Variants in MRPL37 observed in about 807,000 individuals in gnomAD.
MRPL37 encodes the protein large ribosomal subunit protein mL37.
Under a neutral mutation model 44.1 loss-of-function variants are expected in MRPL37, and 34 were observed. That is an observed-to-expected ratio of 0.77 (90% CI 0.59 to 1.03). The LOEUF is 1.03. Among genes scored for constraint, MRPL37 ranks in the 50% least tolerant of loss-of-function variants. The pLI is 0.00. For missense variants in MRPL37, 532 were observed against 543.7 expected (o/e 0.98, Z 0.21); for synonymous variants, 212 against 219.5 (o/e 0.97, Z 0.30).
At chr1:54,225,470 C>A, downstream of MRPL37, 1 of 1,186,898 alleles carries the variant, frequency 8.4e-7, no homozygotes, top group Non-Finnish European at 1.1e-6. Context: ...ACGTTATCAA[C>A]ATATATCGTA....
At chr1:54,200,887 A>G (rs868014985) in intron 1 of MRPL37, among the ~76,000 whole-genome samples, 3 of 152,190 alleles carry the variant, frequency 2.0e-5, no homozygotes, top group African/African-American at 4.8e-5. Flanking sequence ...CTGGGCCTCT[A>G]TTTCCTGGGA....
chr1:54,205,637 C>G (rs1644116451), intron 3 of MRPL37, among the ~76,000 whole-genome samples: 1 of 152,170 alleles, frequency 6.6e-6, no homozygotes, highest in Non-Finnish European at 1.5e-5. Context: ...TAACAGTCAG[C>G]CATATCTATT....
chr1:54,223,155 T>C (rs1275159184), downstream of MRPL37, among the ~76,000 whole-genome samples: 1 of 152,212 alleles, frequency 6.6e-6, no homozygotes, highest in African/African-American at 2.4e-5. Flanking sequence ...GGTCTGATCT[T>C]TTACATCCAA....
intron 4 of MRPL37, 95 bp downstream of exon 4, chr1:54,210,226 AG>A: frequency 5.7e-6 from 7 of 1,234,380 alleles, no homozygotes; most frequent in Non-Finnish European, 8.0e-6. Context: ...GCTAGGTGCT[AG>A]GCACCTCGTG....
Position 54,200,353 on chromosome 1 carries a change from C to T in MRPL37, c.110C>T (p.Ser37Phe), listed in dbSNP as rs768836635. The change falls in exon 1 of 7, where the codon TCC becomes TTC. Residue 37 changes from serine to phenylalanine, a missense_variant. Physicochemically the swap from Ser to Phe is radical, Grantham distance 155 (BLOSUM62 -2). Coordinates refer to ENST00000360840, the MANE Select transcript of MRPL37 (RefSeq NM_016491.4). Reference sequence around the variant, plus strand: ...GGGGCGTATGAGTGGGGCGTGCGCTCCACGCGGAAGTCGGAGCCTCCTCCC... The same window carrying T: ...GGGGCGTATGAGTGGGGCGTGCGCTTCACGCGGAAGTCGGAGCCTCCTCCC... ...RRGAYEWGVR[S>F]TRKSEPPPLD... The T allele has an allele frequency of 1.3e-5, 21 of 1,614,026 alleles. No homozygotes were observed. The highest frequency in any genetic ancestry group is 1.8e-5 in the Non-Finnish European group (21 of 1,180,026).
intron 1 of MRPL37, among the ~76,000 whole-genome samples, chr1:54,201,968 G>A (rs1309578151): frequency 6.6e-6 from 1 of 151,896 alleles, no homozygotes; most frequent in Non-Finnish European, 1.5e-5. Context: ...TCCCAGTCCA[G>A]GGCTCTTTCT....
chr1:54,219,386 C>A (rs1364554865), downstream of MRPL37, among the ~76,000 whole-genome samples: 1 of 152,226 alleles, frequency 6.6e-6, no homozygotes, highest in Non-Finnish European at 1.5e-5. Context: ...CAGGCTTGGG[C>A]TCTTTCCACT....
chr1:54,214,813 A>G (rs1644186928), intron 5 of MRPL37, among the ~76,000 whole-genome samples: 1 of 152,236 alleles, frequency 6.6e-6, no homozygotes, highest in African/African-American at 2.4e-5. Context: ...TTTATGTACT[A>G]CCTGCAGTTT....
At position 54,209,956 on chromosome 1, in the gene MRPL37, C is replaced by T; in HGVS notation, c.657C>T (p.Leu219=). The T allele has an allele frequency of 6.2e-7, 1 of 1,613,992 alleles. No homozygotes were observed. The highest frequency in any genetic ancestry group is 2.2e-5 in the East Asian group (1 of 44,880). The change falls in exon 4 of 7, where the codon CTC becomes CTT. Residue 219 remains leucine, a synonymous_variant. Transcript: ENST00000360840. ...TTTTCTCCCTTTTAGAGTCTCTTCT[C>T]CTTCAAGTCCGTGGTTCTGGTGGAG... ...FSATWNRESL[L]LQVRGSGGAR...
chr1:54,219,188 G>A (rs541242822), downstream of MRPL37, among the ~76,000 whole-genome samples: 1 of 152,346 alleles, frequency 6.6e-6, no homozygotes, highest in Admixed American at 6.5e-5. Flanking sequence ...AACACCCCTG[G>A]CCTGGCACCA....
In MRPL37 at chr1:54,212,595, G is replaced by T; in HGVS notation, c.927G>T (p.Leu309=). ...LRPHRLQPDQ[L]RAKMILFAFG... The stretch of plus-strand genomic sequence containing the variant: ...CACACCGCCTTCAACCAGATCAGCT[G>T]CGGGCCAAGATGATCCTGTTTGCTT... The change falls in exon 5 of 7, where the codon CTG becomes CTT. Residue 309 remains leucine (L), a synonymous_variant. Coordinates refer to ENST00000360840, the MANE Select transcript of MRPL37 (RefSeq NM_016491.4). 1 of 1,614,226 alleles carries T rather than the reference G, an allele frequency of 6.2e-7. No individual in the cohort carries two copies. Among genetic ancestry groups the T allele is most frequent in the African/African-American group, 1.3e-5 (1 of 75,046 alleles).
Position 54,210,025 on chromosome 1 carries a change from A to C in MRPL37, c.726A>C (p.Arg242Ser). ...TKDPLPTIASREEIEATKNHV... is the reference protein window; with the variant it reads ...TKDPLPTIASSEEIEATKNHV... ...ATCCTCTGCCCACCATCGCCTCCAG[A>C]GAGGAGATTGAAGCTACTAAGAATC... Residue 242 changes from arginine to serine, a missense_variant, in exon 4 of 7, where the codon AGA (arginine) becomes AGC (serine). Arg to Ser is a moderately radical substitution (Grantham distance 110). Transcript: ENST00000360840. 1 of 1,614,198 alleles carries C rather than the reference A, an allele frequency of 6.2e-7. No homozygotes were observed. Among genetic ancestry groups the C allele is most frequent in the Non-Finnish European group, 8.5e-7 (1 of 1,180,020 alleles).
chr1:54,211,373 C>T (rs921222694), intron 4 of MRPL37, among the ~76,000 whole-genome samples: 5 of 152,276 alleles, frequency 3.3e-5, no homozygotes, highest in Middle Eastern at 3.4e-3. Flanking sequence ...CAGCTTGGCA[C>T]AGAGTGAGTT....
At chr1:54,216,674 A>G (rs961242253) in intron 6 of MRPL37, among the ~76,000 whole-genome samples, 2 of 151,642 alleles carry the variant, frequency 1.3e-5, no homozygotes, top group African/African-American at 4.9e-5. Flanking sequence ...CCTCCCCATT[A>G]CTGTTTGTCA....
intron 3 of MRPL37, among the ~76,000 whole-genome samples, chr1:54,208,082 A>G (rs773123967): frequency 6.9e-4 from 105 of 152,208 alleles, no homozygotes; most frequent in Non-Finnish European, 1.0e-3. Flanking sequence ...CATGTTCACA[A>G]TGGCTGGCTT....
At chr1:54,200,671 A>G (rs1317544631) in intron 1 of MRPL37, 82 bp downstream of exon 1, 3 of 1,419,332 alleles carry the variant, frequency 2.1e-6, no homozygotes, top group African/African-American at 2.9e-5. Context: ...TGGGCAAGAC[A>G]TTGAAACTCT....
At chr1:54,212,246 G>A (rs761632862) in intron 4 of MRPL37, among the ~76,000 whole-genome samples, 1 of 152,210 alleles carries the variant, frequency 6.6e-6, no homozygotes, top group Non-Finnish European at 1.5e-5. Context: ...CTCTGTCACA[G>A]CTACCCAATA....
At chr1:54,209,706 G>A (rs924148416) in intron 3 of MRPL37, among the ~76,000 whole-genome samples, 2 of 152,004 alleles carry the variant, frequency 1.3e-5, no homozygotes, top group African/African-American at 4.8e-5. Flanking sequence ...TGATCCACCC[G>A]CCTCAGCCTC....
chr1:54,215,875 C>T (rs187262946), intron 5 of MRPL37, among the ~76,000 whole-genome samples: 1 of 152,310 alleles, frequency 6.6e-6, no homozygotes, highest in East Asian at 1.9e-4. Context: ...GAAATCGCCT[C>T]TCAGTGGCAG....
Sources: gnomAD v4.1 joint callset for allele counts (sites outside exome capture counted in the v4.1 genomes callset) on GRCh38, gnomAD v4.1.1 for gene constraint, MANE v1.5 for transcripts, NCBI Gene and HGNC (gene_info 2026-07-23, HGNC 2026-07-21) for gene names.